The following FASTKD1 variants were observed in gnomAD, a reference collection of about 807,000 sequenced individuals.
FASTKD1 encodes the protein FAST kinase domains 1.
Under a neutral mutation model 90.9 loss-of-function variants are expected in FASTKD1, and 94 were observed. The observed-to-expected ratio is 1.03, with a 90% CI of 0.88 to 1.23. The LOEUF (loss-of-function observed/expected upper bound fraction) is 1.23, where lower values mean the gene tolerates loss of function less well. FASTKD1 is among the 50% of genes most tolerant of loss of function. FASTKD1 has a pLI of 0.00. For missense variants in FASTKD1, 945 were observed against 993.5 expected (o/e 0.95, Z 0.66); for synonymous variants, 319 against 345.8 (o/e 0.92, Z 0.86).
chr2:169,568,320 C>A (rs1684077659), intron 3 of FASTKD1, among the ~76,000 whole-genome samples: 1 of 151,794 alleles, frequency 6.6e-6, no homozygotes, highest in Non-Finnish European at 1.5e-5. Context: ...TATTGATAGC[C>A]AATTAATCAA....
At chr2:169,539,672 G>C (rs776371093) in intron 10 of FASTKD1, among the ~76,000 whole-genome samples, 1 of 151,712 alleles carries the variant, frequency 6.6e-6, no homozygotes, top group South Asian at 2.1e-4. Context: ...GGCTGAGGTG[G>C]GAGGATCACT....
intron 10 of FASTKD1, among the ~76,000 whole-genome samples, chr2:169,539,313 A>C (rs1292946873): frequency 3.3e-5 from 5 of 151,214 alleles, no homozygotes; most frequent in Non-Finnish European, 5.9e-5. Context: ...TGTAAAATAA[A>C]ATAAGTCTTA....
At position 169,571,810 on chromosome 2, in the gene FASTKD1, T is replaced by C. The variant is rs866328330; in HGVS notation, c.220A>G (p.Met74Val). The C allele has an allele frequency of 1.9e-6, 3 of 1,613,976 alleles. No individual in the cohort carries two copies. Among genetic ancestry groups the C allele is most frequent in the Admixed American group, 3.3e-5 (2 of 60,004 alleles). ...TTCTGCTTTTGAAGCTTCCAAAGCA[T>C]ATCAAATGCACATCCCACTTGCTTT... ...SEKQVGCAFD[M>V]LWKLQKQKTS... The change falls in exon 2 of 15, where the codon ATG becomes GTG. Residue 74 changes from methionine (M) to valine (V), a missense_variant. Transcript: ENST00000453153.
Position 169,529,189 on chromosome 2 carries a change from C to T in FASTKD1, c.*636G>A, listed in dbSNP as rs1684373824. ...CTAAAACAAACTTGTGATCAACCCC[C>T]ACCACCTGCCCCCCATCTTGCTCTT... On this transcript the variant is annotated 3_prime_UTR_variant, in exon 15 of 15. Transcript: ENST00000453153. Among the ~76,000 whole-genome samples, 2 of 151,678 alleles carry T rather than the reference C, an allele frequency of 1.3e-5. No homozygotes were observed. Among genetic ancestry groups the T allele is most frequent in the African/African-American group, 4.8e-5 (2 of 41,260 alleles).
At chr2:169,561,548 C>A (rs1293914004) in intron 4 of FASTKD1, among the ~76,000 whole-genome samples, 2 of 151,548 alleles carry the variant, frequency 1.3e-5, no homozygotes, top group Non-Finnish European at 2.9e-5. Context: ...ATTAATAGTT[C>A]CTTGACATTC....
chr2:169,539,146 T>C (rs1684857265), intron 10 of FASTKD1, among the ~76,000 whole-genome samples: 1 of 151,710 alleles, frequency 6.6e-6, no homozygotes, highest in Non-Finnish European at 1.5e-5. Context: ...CACATACTTA[T>C]AATCCCCGCT....
At position 169,529,761 on chromosome 2, in the gene FASTKD1, G is replaced by A. The variant is rs1684394905; in HGVS notation, c.*64C>T. The A allele has an allele frequency of 1.8e-6, 2 of 1,142,458 alleles. No homozygotes were observed. The highest frequency in any genetic ancestry group is 4.9e-5 in the East Asian group (2 of 40,990). The allele number at this position is 1,142,458 out of a possible 1,614,324, so 70.8% of individuals were successfully genotyped here. A position where few individuals can be genotyped will look rare whatever the true frequency, so the allele number is the denominator to read the frequency against. ...ACATTTGTACCTATTTTTTAATTGA[G>A]ACAGGCCACTTTATTAAAATAGGTC... On this transcript the variant is annotated 3_prime_UTR_variant, in exon 15 of 15. Transcript: ENST00000453153.
chr2:169,546,428 C>A lies in FASTKD1; in HGVS notation c.1491G>T (p.Leu497Phe). The change falls in exon 8 of 15, where the codon TTG (leucine) becomes TTT (phenylalanine). Residue 497 changes from leucine to phenylalanine, a missense_variant. By Grantham distance (22) the Leu-to-Phe change is conservative. Coordinates refer to ENST00000453153, the MANE Select transcript of FASTKD1 (RefSeq NM_024622.6). The part of the protein sequence containing the change: ...GRQRLQHSNS[L>F]DLLRKELKSL... ...ATTTAAGTTCCTTCCGTAACAGATC[C>A]AAACTGTTGCTGTGTTGTAGTCTCT... 1 of 1,614,146 alleles carries A rather than the reference C, an allele frequency of 6.2e-7. No individual in the cohort carries two copies. The highest frequency in any genetic ancestry group is 8.5e-7 in the Non-Finnish European group (1 of 1,180,020).
rs149215619 is a variant in FASTKD1, at chr2:169,529,890, T to C, written c.2479A>G (p.Thr827Ala). 103 of 1,613,616 alleles carry C rather than the reference T, an allele frequency of 6.4e-5. No individual in the cohort carries two copies. In the African/African-American group the frequency reaches 1.3e-3, roughly 20 times the overall value. ...AGGTAGTCCATCCGAGCATCCTTTGTTGACAGTGCCATAGAGTTCCATTCA... is the reference window on the plus strand; with the variant it reads ...AGGTAGTCCATCCGAGCATCCTTTGCTGACAGTGCCATAGAGTTCCATTCA... ...QFEWNSMALS[T>A]KDARMDYLRE... The change falls in exon 15 of 15, where the codon ACA (threonine) becomes GCA (alanine). Residue 827 changes from threonine to alanine, a missense_variant. Thr to Ala is a moderately conservative substitution (Grantham distance 58, BLOSUM62 0). Coordinates refer to ENST00000453153, the MANE Select transcript of FASTKD1 (RefSeq NM_024622.6).
At chr2:169,555,349 A>T (rs1036495699) in intron 6 of FASTKD1, 94 bp from the exon 7 acceptor site, 1 of 1,044,628 alleles carries the variant, frequency 9.6e-7, no homozygotes, top group Admixed American at 2.5e-5. Flanking sequence ...TCTGTGCTGG[A>T]GAAACGGCAA....
chr2:169,541,296 C>T (rs894062374), intron 9 of FASTKD1, among the ~76,000 whole-genome samples: 1 of 152,140 alleles, frequency 6.6e-6, no homozygotes, highest in African/African-American at 2.4e-5. Context: ...TTTCCTTATA[C>T]TCTTTAGCAA....
At chr2:169,543,132 T>A (rs1437775565) in intron 9 of FASTKD1, among the ~76,000 whole-genome samples, 2 of 151,878 alleles carry the variant, frequency 1.3e-5, no homozygotes, top group African/African-American at 2.4e-5. Flanking sequence ...GCAAAAAAGA[T>A]GGAGGAAAAG....
intron 4 of FASTKD1, among the ~76,000 whole-genome samples, chr2:169,561,793 T>TAAATTATTTATTAATTTATTAC (rs1202166813): frequency 6.8e-6 from 1 of 146,604 alleles, no homozygotes; most frequent in African/African-American, 2.5e-5. Context: ...TAATTTATTG[T>TAAATTATTTATTAATTTATTAC]AAATTATTTA....
chr2:169,553,271 C>CGAAA (rs1685577681), intron 7 of FASTKD1, among the ~76,000 whole-genome samples: 1 of 79,204 alleles, frequency 1.3e-5, no homozygotes, highest in Non-Finnish European at 2.2e-5. Context: ...TAAAAGCATG[C>CGAAA]AAAAAAAAAA....
intron 7 of FASTKD1, among the ~76,000 whole-genome samples, chr2:169,551,392 CAATAG>C (rs1487295626): frequency 6.6e-6 from 1 of 151,666 alleles, no homozygotes; most frequent in African/African-American, 2.4e-5. Flanking sequence ...TATCCATCAA[CAATAG>C]AATAAATAAA....
intron 12 of FASTKD1, among the ~76,000 whole-genome samples, chr2:169,532,107 C>G (rs570350447): frequency 6.6e-6 from 1 of 152,166 alleles, no homozygotes; most frequent in African/African-American, 2.4e-5. Context: ...TACGAACCCA[C>G]TGATGAGTCT....
chr2:169,530,072 G>A (rs1574359202), intron 14 of FASTKD1, 146 bp from the exon 15 acceptor site: 2 of 594,482 alleles, frequency 3.4e-6, no homozygotes, highest in East Asian at 3.0e-5. Context: ...TCTACTGGAA[G>A]CCAAGTGGGT....
chr2:169,548,495 G>T (rs551841371), intron 7 of FASTKD1, among the ~76,000 whole-genome samples: 3 of 151,018 alleles, frequency 2.0e-5, no homozygotes. Context: ...ATTTTGAGAG[G>T]CCAAGGCGGG....
At chr2:169,554,388 G>A (rs1368885003) in intron 7 of FASTKD1, among the ~76,000 whole-genome samples, 2 of 150,260 alleles carry the variant, frequency 1.3e-5, no homozygotes, top group East Asian at 3.9e-4. Context: ...TTTTCGCTGG[G>A]CATGGTGGCT....
Sources: gnomAD v4.1 joint callset for allele counts (sites outside exome capture counted in the v4.1 genomes callset) on GRCh38, gnomAD v4.1.1 for gene constraint, MANE v1.5 for transcripts, NCBI Gene and HGNC (gene_info 2026-07-23, HGNC 2026-07-21) for gene names.